The following ARB2A variants were observed in gnomAD, a reference collection of about 807,000 sequenced individuals.
The protein encoded by ARB2A is cotranscriptional regulator ARB2A.
chr5:93,676,990 A>G, the ARB2A span, among the ~76,000 whole-genome samples: 1 of 152,182 alleles, frequency 6.6e-6, no homozygotes, highest in African/African-American at 2.4e-5. Flanking sequence ...CAGTCATGTT[A>G]TCTCATAAAG....
the ARB2A span, among the ~76,000 whole-genome samples, chr5:94,013,345 T>G: frequency 1.3e-5 from 2 of 152,028 alleles, no homozygotes; most frequent in African/African-American, 2.4e-5. Flanking sequence ...GCCCAGCTAA[T>G]TTTTGTAATT....
chr5:93,664,090 C>T, the ARB2A span, among the ~76,000 whole-genome samples: 6 of 148,254 alleles, frequency 4.0e-5, no homozygotes, highest in South Asian at 4.3e-4. Context: ...ACTTTTTTAG[C>T]GGTAGGGTCT....
the ARB2A span, among the ~76,000 whole-genome samples, chr5:93,870,947 G>C: frequency 6.6e-6 from 1 of 152,212 alleles, no homozygotes; most frequent in East Asian, 1.9e-4. Context: ...TAGAGCTAAA[G>C]TAGTTAACTT....
chr5:93,951,061 T>C, the ARB2A span, among the ~76,000 whole-genome samples: 280 of 152,304 alleles, frequency 1.8e-3, no homozygotes, highest in Non-Finnish European at 2.7e-3. Context: ...AGTTTTGATT[T>C]GCATTTCTCT....
the ARB2A span, among the ~76,000 whole-genome samples, chr5:93,881,844 A>C: frequency 2.0e-5 from 3 of 151,406 alleles, no homozygotes; most frequent in African/African-American, 7.3e-5. Context: ...TTTTTTTCAA[A>C]AGAAAGTCAT....
At chr5:93,621,177 G>A in the ARB2A span, 3 of 1,538,654 alleles carry the variant, frequency 1.9e-6, no homozygotes, top group African/African-American at 2.8e-5. Flanking sequence ...GCGGGGCCAG[G>A]CGCGGTGAGG....
chr5:93,770,232 T>C, the ARB2A span, among the ~76,000 whole-genome samples: 1 of 152,118 alleles, frequency 6.6e-6, no homozygotes, highest in South Asian at 2.1e-4. Flanking sequence ...TGAGTTGAAG[T>C]TTAAGCCTGG....
the ARB2A span, among the ~76,000 whole-genome samples, chr5:93,864,576 T>C: frequency 7.2e-5 from 11 of 152,284 alleles, no homozygotes; most frequent in East Asian, 2.1e-3. Flanking sequence ...ACAATCATGC[T>C]ACATAACCTT....
chr5:93,897,448 CTT>C, the ARB2A span, among the ~76,000 whole-genome samples: 1 of 151,756 alleles, frequency 6.6e-6, no homozygotes, highest in Non-Finnish European at 1.5e-5. Flanking sequence ...TTTTGAGTTT[CTT>C]ACTTCTACCT....
the ARB2A span, among the ~76,000 whole-genome samples, chr5:93,830,852 G>T: frequency 4.1e-4 from 62 of 152,074 alleles, 1 homozygote; most frequent in Admixed American, 7.9e-4. Context: ...AATATATAAT[G>T]ACATAATTAT....
chr5:94,027,817 T>TG, the ARB2A span, among the ~76,000 whole-genome samples: 1 of 152,108 alleles, frequency 6.6e-6, no homozygotes, highest in Admixed American at 6.5e-5. Flanking sequence ...ACCTGAAACT[T>TG]GGGGTTGGTC....
the ARB2A span, among the ~76,000 whole-genome samples, chr5:93,635,772 C>T: frequency 3.3e-5 from 5 of 152,100 alleles, no homozygotes; most frequent in Non-Finnish European, 5.9e-5. Flanking sequence ...ACTTGCTTTG[C>T]TTTACTAGTC....
At chr5:93,824,023 A>G in the ARB2A span, 1 of 660,822 alleles carries the variant, frequency 1.5e-6, no homozygotes, top group Non-Finnish European at 2.2e-6. Context: ...AAAATTATTT[A>G]CTCAAAATAT....
At chr5:93,859,438 A>G in the ARB2A span, among the ~76,000 whole-genome samples, 1 of 152,128 alleles carries the variant, frequency 6.6e-6, no homozygotes, top group African/African-American at 2.4e-5. Flanking sequence ...AGGAGAATAT[A>G]TTTGTATCAC....
the ARB2A span, among the ~76,000 whole-genome samples, chr5:94,063,076 G>A: frequency 2.6e-5 from 4 of 152,206 alleles, no homozygotes; most frequent in East Asian, 3.9e-4. Context: ...AGTCACTGCC[G>A]CCCATACTTG....
At chr5:93,685,979 T>A in the ARB2A span, among the ~76,000 whole-genome samples, 17 of 152,146 alleles carry the variant, frequency 1.1e-4, no homozygotes, top group African/African-American at 3.6e-4. Flanking sequence ...ATAAATCATC[T>A]CCCTCTAATA....
chr5:93,767,021 A>C, the ARB2A span, among the ~76,000 whole-genome samples: 3 of 126,988 alleles, frequency 2.4e-5, no homozygotes, highest in Non-Finnish European at 4.8e-5. Flanking sequence ...GGGGAACATC[A>C]CACACCGGGG....
the ARB2A span, among the ~76,000 whole-genome samples, chr5:93,697,872 C>T: frequency 6.6e-6 from 1 of 152,014 alleles, no homozygotes; most frequent in Non-Finnish European, 1.5e-5. Flanking sequence ...TATTTGTGCT[C>T]TATGGAAAGT....
the ARB2A span, among the ~76,000 whole-genome samples, chr5:93,788,130 G>C: frequency 1.3e-5 from 2 of 152,122 alleles, no homozygotes; most frequent in South Asian, 4.2e-4. Context: ...ACAGTACTTT[G>C]AACAGATTAA....
Sources: gnomAD v4.1 joint callset for allele counts (sites outside exome capture counted in the v4.1 genomes callset) on GRCh38, gnomAD v4.1.1 for gene constraint, MANE v1.5 for transcripts, NCBI Gene and HGNC (gene_info 2026-07-23, HGNC 2026-07-21) for gene names.